The following SPECC1 variants were observed in gnomAD, a reference collection of about 807,000 sequenced individuals.
SPECC1 encodes the protein cytospin-B.
SPECC1 carries 62 observed loss-of-function variants against 104.1 expected under a neutral mutation model. The ratio of observed to expected loss-of-function variants is 0.60; its 90% CI spans 0.49 to 0.74. The LOEUF (loss-of-function observed/expected upper bound fraction) is 0.74. Among genes scored for constraint, SPECC1 ranks in the 30% least tolerant of loss-of-function variants. The pLI is 0.00. For synonymous variants in SPECC1, 513 were observed against 501.6 expected (o/e 1.02, Z -0.30); for missense variants, 1,306 against 1,310.5 (o/e 1.00, Z 0.05).
At chr17:20,125,685 G>A (rs2049267214) in intron 3 of SPECC1, among the ~76,000 whole-genome samples, 1 of 152,228 alleles carries the variant, frequency 6.6e-6, no homozygotes. Context: ...CATCCACAAT[G>A]GGACATGTGT....
At chr17:20,287,386 C>T (rs966838519) in intron 12 of SPECC1, among the ~76,000 whole-genome samples, 6 of 137,252 alleles carry the variant, frequency 4.4e-5, no homozygotes, top group Admixed American at 2.4e-4. Context: ...CACTGCAGTC[C>T]GCAGTCCGGC....
chr17:20,100,323 G>A (rs1277628909), intron 2 of SPECC1, among the ~76,000 whole-genome samples: 1 of 152,130 alleles, frequency 6.6e-6, no homozygotes, highest in Non-Finnish European at 1.5e-5. Context: ...TATGGTATGG[G>A]AAGAAGAAAA....
chr17:20,156,269 C>T (rs1379560349), intron 3 of SPECC1: 3 of 1,295,636 alleles, frequency 2.3e-6, no homozygotes, highest in South Asian at 1.9e-5. Context: ...GCGCCGCAGC[C>T]GCAACCCCAC....
chr17:20,298,519 C>A (rs928439240), intron 13 of SPECC1, among the ~76,000 whole-genome samples: 1 of 152,080 alleles, frequency 6.6e-6, no homozygotes, highest in African/African-American at 2.4e-5. Flanking sequence ...AGGGGGCAGA[C>A]CCCCATAGCT....
At chr17:20,023,547 T>C (rs1567798722) in intron 1 of SPECC1, among the ~76,000 whole-genome samples, 2 of 152,058 alleles carry the variant, frequency 1.3e-5, no homozygotes. Flanking sequence ...GCAGGGCATG[T>C]CAGGTAAGAC....
At position 20,317,254 on chromosome 17, in the gene SPECC1, A is replaced by C. The variant is rs535580498; in HGVS notation, c.*3189A>C. On this transcript the variant is annotated 3_prime_UTR_variant, in exon 15 of 15. Transcript: ENST00000395527. The stretch of plus-strand genomic sequence containing the variant: ...ACATGGCAAGACCTCTGACTCTATA[A>C]AAAAATTTTTTTTTTTTTTTTTTTT... 2.4e-5 allele frequency: 1 copy of C among 41,988 alleles called. No homozygotes were observed. The highest frequency in any genetic ancestry group is 2.2e-4 in the Admixed American group (1 of 4,574). 2.6% of individuals were successfully genotyped at this position (41,988 alleles called of 1,614,324 possible). A position where few individuals can be genotyped will look rare whatever the true frequency, so the allele number is the denominator to read the frequency against.
At chr17:20,076,822 A>T (rs1330253340) in intron 1 of SPECC1, among the ~76,000 whole-genome samples, 1 of 151,050 alleles carries the variant, frequency 6.6e-6, no homozygotes, top group Non-Finnish European at 1.5e-5. Flanking sequence ...CCACCAGCTG[A>T]CAGTATCATG....
intron 10 of SPECC1, among the ~76,000 whole-genome samples, chr17:20,256,172 C>T (rs559284328): frequency 1.3e-5 from 2 of 152,146 alleles, no homozygotes; most frequent in Non-Finnish European, 2.9e-5. Flanking sequence ...CCACTGCACC[C>T]GGCCAAAACC....
At chr17:20,157,437 A>G (rs1253612921) in intron 3 of SPECC1, among the ~76,000 whole-genome samples, 1 of 152,244 alleles carries the variant, frequency 6.6e-6, no homozygotes, top group Non-Finnish European at 1.5e-5. Flanking sequence ...AGAATAACCA[A>G]CAATAAGCAT....
chr17:20,134,032 A>G (rs72830153), intron 3 of SPECC1, among the ~76,000 whole-genome samples: 7,952 of 152,068 alleles, frequency 0.052, 290 homozygotes, highest in Non-Finnish European at 0.079. Context: ...ATATTCACAC[A>G]TTATATAAGT....
At chr17:20,119,335 T>C (rs1047108488) in intron 3 of SPECC1, among the ~76,000 whole-genome samples, 4 of 152,186 alleles carry the variant, frequency 2.6e-5, no homozygotes, top group Non-Finnish European at 5.9e-5. Context: ...TGAGTTCAAG[T>C]GATTCTCCTG....
At chr17:20,176,768 C>T (rs754736119) in intron 3 of SPECC1, among the ~76,000 whole-genome samples, 8 of 152,058 alleles carry the variant, frequency 5.3e-5, no homozygotes, top group Non-Finnish European at 7.4e-5. Flanking sequence ...GTCTTGCATC[C>T]CTGTTGTAAA....
chr17:20,268,890 G>A (rs2040305251), intron 12 of SPECC1, among the ~76,000 whole-genome samples: 1 of 152,200 alleles, frequency 6.6e-6, no homozygotes, highest in Non-Finnish European at 1.5e-5. Flanking sequence ...AGTGGTGTGT[G>A]CATGCCCAGA....
chr17:20,128,710 C>T (rs1324657694), intron 3 of SPECC1, among the ~76,000 whole-genome samples: 1 of 151,322 alleles, frequency 6.6e-6, no homozygotes, highest in African/African-American at 2.4e-5. Context: ...TTTTTTCTTC[C>T]CAGCTTCCCC....
chr17:20,244,330 C>G (rs532685203), intron 7 of SPECC1, among the ~76,000 whole-genome samples: 3 of 152,272 alleles, frequency 2.0e-5, no homozygotes, highest in African/African-American at 7.2e-5. Context: ...AACCTGATTT[C>G]TTTTTCTTTC....
At chr17:20,159,495 G>A (rs1285717263) in intron 3 of SPECC1, among the ~76,000 whole-genome samples, 1 of 152,194 alleles carries the variant, frequency 6.6e-6, no homozygotes, top group African/African-American at 2.4e-5. Context: ...CCCGCTGTAG[G>A]CGTTGAGATT....
rs926420961 is a variant in SPECC1, at chr17:20,281,130, C to T, written c.2941-15831C>T. On this transcript the variant is annotated intron_variant, in intron 12 of 14. Coordinates refer to ENST00000395527, the MANE Select transcript of SPECC1 (RefSeq NM_001243439.2). ...ATGGCCGGTCGGTTCCTGGAAATGG[C>T]GGCTTTGGGTGAAACCATGTGCTGT... 5.3e-5 allele frequency among the ~76,000 whole-genome samples: 8 copies of T among 152,226 alleles called. No individual in the cohort carries two copies. The South Asian group carries it at 1.0e-3, about 20-fold the overall frequency.
At chr17:20,134,596 T>C (rs998496447) in intron 3 of SPECC1, among the ~76,000 whole-genome samples, 2 of 152,232 alleles carry the variant, frequency 1.3e-5, no homozygotes, top group Non-Finnish European at 2.9e-5. Flanking sequence ...TTGAGAAAGG[T>C]ACTTCTTATT....
At position 20,317,344 on chromosome 17, in the gene SPECC1, T is replaced by C. The variant is rs576312133; in HGVS notation, c.*3279T>C. 30 of 166,994 alleles carry C rather than the reference T, an allele frequency of 1.8e-4. No individual in the cohort carries two copies. Among genetic ancestry groups the C allele is most frequent in the Admixed American group, 1.0e-3 (16 of 15,354 alleles). The allele number at this position is 166,994 out of a possible 1,614,324, so 10.3% of individuals were successfully genotyped here. On this transcript the variant is annotated 3_prime_UTR_variant, in exon 15 of 15. Transcript: ENST00000395527. Reference sequence around the variant, plus strand: ...AGTGTGATCTTGGCTTATTACAACTTCCGCCTCCCAGGTTCAAGAGATTCT... The same window carrying C: ...AGTGTGATCTTGGCTTATTACAACTCCCGCCTCCCAGGTTCAAGAGATTCT...
Sources: allele counts gnomAD v4.1 joint callset (sites outside exome capture counted in the v4.1 genomes callset), GRCh38; gene constraint gnomAD v4.1.1; transcripts MANE v1.5; gene names NCBI Gene and HGNC (gene_info 2026-07-23, HGNC 2026-07-21).